PDE4D: variants seen among roughly 807,000 people sequenced by gnomAD.
PDE4D encodes 3',5'-cyclic-AMP phosphodiesterase 4D.
PDE4D carries 24 observed loss-of-function variants against 87.4 expected under a neutral mutation model. That is an observed-to-expected ratio of 0.27 (90% CI 0.20 to 0.39). The LOEUF (loss-of-function observed/expected upper bound fraction) is 0.39. PDE4D is among the 10% of genes least tolerant of loss of function. The pLI, the probability that PDE4D is intolerant of heterozygous loss-of-function variation, is 1.00. For missense variants in PDE4D, 714 were observed against 1,041.0 expected (o/e 0.69, Z 4.32); for synonymous variants, 384 against 383.2 (o/e 1.00, Z -0.02).
At chr5:60,029,945 C>T (rs972052562) in intron 2 of PDE4D, among the ~76,000 whole-genome samples, 11 of 152,136 alleles carry the variant, frequency 7.2e-5, no homozygotes, top group African/African-American at 2.2e-4. Context: ...TTCTATTTTC[C>T]AATTCTGGCT....
intron 1 of PDE4D, among the ~76,000 whole-genome samples, chr5:59,755,645 T>C (rs73109074): frequency 6.6e-6 from 1 of 152,228 alleles, no homozygotes; most frequent in African/African-American, 2.4e-5. Flanking sequence ...CCATAAATCA[T>C]ACGCTGTTCT....
chr5:60,475,018 C>A (rs1748199149), intron 1 of PDE4D, among the ~76,000 whole-genome samples: 1 of 152,026 alleles, frequency 6.6e-6, no homozygotes, highest in African/African-American at 2.4e-5. Context: ...TAAATTTAAG[C>A]CTTTTGAAAA....
At chr5:59,299,626 T>C (rs1769780466) in intron 1 of PDE4D, among the ~76,000 whole-genome samples, 3 of 152,150 alleles carry the variant, frequency 2.0e-5, no homozygotes, top group African/African-American at 7.2e-5. Flanking sequence ...AATGATTAGG[T>C]TTGTTTGTCT....
chr5:59,589,092 C>A (rs929930545), intron 1 of PDE4D, among the ~76,000 whole-genome samples: 5 of 152,044 alleles, frequency 3.3e-5, no homozygotes, highest in African/African-American at 1.2e-4. Flanking sequence ...TGTTACTAGC[C>A]CTGTTCTCCA....
chr5:59,092,275 T>A (rs545318634), intron 5 of PDE4D, among the ~76,000 whole-genome samples: 1 of 152,212 alleles, frequency 6.6e-6, no homozygotes, highest in Non-Finnish European at 1.5e-5. Context: ...ACAGCTTCCA[T>A]CTCTTTGCAG....
At chr5:60,209,845 TTTA>T (rs1742981275) in intron 1 of PDE4D, among the ~76,000 whole-genome samples, 1 of 152,174 alleles carries the variant, frequency 6.6e-6, no homozygotes, top group Non-Finnish European at 1.5e-5. Flanking sequence ...AAGTGTTTGC[TTTA>T]AGTTGGGAAA....
At chr5:59,199,710 C>G (rs538686760) in intron 2 of PDE4D, among the ~76,000 whole-genome samples, 1 of 151,992 alleles carries the variant, frequency 6.6e-6, no homozygotes. Context: ...GACTATTTGA[C>G]AACACCCAAG....
At position 59,775,861 on chromosome 5, in the gene PDE4D, G is replaced by A. The variant is rs1020799445; in HGVS notation, c.455+117307C>T. ...TCATTTGCTATACCCACCCCTGACC[G>A]GCCCCCAAGAAAGGATTTTTTTGGA... On this transcript the variant is annotated intron_variant, in intron 1 of 14. Transcript: ENST00000340635. Among the ~76,000 whole-genome samples, 8 of 151,964 alleles carry A rather than the reference G, an allele frequency of 5.3e-5. No individual in the cohort carries two copies. The South Asian group carries it at 6.2e-4, about 12-fold the overall frequency.
intron 2 of PDE4D, among the ~76,000 whole-genome samples, chr5:60,072,471 T>C (rs770052813): frequency 6.6e-6 from 1 of 152,140 alleles, no homozygotes; most frequent in Non-Finnish European, 1.5e-5. Flanking sequence ...ATTTTCTCTG[T>C]TGGTAGTTTC....
intron 2 of PDE4D, among the ~76,000 whole-genome samples, chr5:60,120,786 T>C (rs984041242): frequency 6.6e-6 from 1 of 152,188 alleles, no homozygotes; most frequent in African/African-American, 2.4e-5. Context: ...TGCCTAGTAA[T>C]GGCTTTTACC....
At chr5:59,007,219 A>G (rs1479668136) in intron 6 of PDE4D, among the ~76,000 whole-genome samples, 1 of 152,174 alleles carries the variant, frequency 6.6e-6, no homozygotes, top group Admixed American at 6.5e-5. Flanking sequence ...ACATTATTGG[A>G]AAATATTTTA....
At chr5:59,106,962 C>T (rs925104133) in intron 5 of PDE4D, among the ~76,000 whole-genome samples, 35 of 152,126 alleles carry the variant, frequency 2.3e-4, no homozygotes, top group Non-Finnish European at 2.6e-4. Context: ...ATCCCACCAC[C>T]TGCCTTTTTA....
chr5:60,208,365 G>A (rs532550060), intron 1 of PDE4D, among the ~76,000 whole-genome samples: 2 of 152,314 alleles, frequency 1.3e-5, no homozygotes, highest in East Asian at 3.9e-4. Context: ...TGTGTCTGAA[G>A]CACAGCTGGG....
intron 1 of PDE4D, among the ~76,000 whole-genome samples, chr5:59,321,338 C>A (rs1214649796): frequency 6.6e-6 from 1 of 152,064 alleles, no homozygotes; most frequent in Non-Finnish European, 1.5e-5. Flanking sequence ...AATCTACTGC[C>A]CTGCCTAGAC....
intron 1 of PDE4D, among the ~76,000 whole-genome samples, chr5:59,821,718 G>T (rs1028498234): frequency 1.3e-5 from 2 of 152,100 alleles, no homozygotes; most frequent in African/African-American, 4.8e-5. Context: ...TAAATGGTTA[G>T]CAATTGGCTC....
intron 3 of PDE4D, among the ~76,000 whole-genome samples, chr5:59,949,519 T>C (rs1758077949): frequency 6.6e-6 from 1 of 151,500 alleles, no homozygotes; most frequent in African/African-American, 2.4e-5. Context: ...TACCAAACTA[T>C]CTGGTTTAAC....
intron 2 of PDE4D, among the ~76,000 whole-genome samples, chr5:60,051,714 A>C (rs1309333799): frequency 6.6e-6 from 1 of 152,188 alleles, no homozygotes; most frequent in Non-Finnish European, 1.5e-5. Flanking sequence ...AGATACAGAC[A>C]TGAAAAACCC....
chr5:58,975,634 A>T lies in PDE4D; in HGVS notation c.2013+23T>A, dbSNP rs1455813299. 4.6e-6 allele frequency: 7 copies of T among 1,517,822 alleles called. No homozygotes were observed. In the East Asian group the frequency reaches 1.7e-4, roughly 37 times the overall value. 94.0% of individuals were successfully genotyped at this position (1,517,822 alleles called of 1,614,324 possible). A position where few individuals can be genotyped will look rare whatever the true frequency, so the allele number is the denominator to read the frequency against. ...AAAGCGGTAGCTCTGTTCTCTCTGA[A>T]AGCTATACACTTCATGCATTACCTG... On this transcript the variant is annotated intron_variant, in intron 14 of 14. Coordinates refer to ENST00000340635, the MANE Select transcript of PDE4D (RefSeq NM_001104631.2). The surrounding 1 kb of genome is among the most constrained non-coding windows in gnomAD (Gnocchi z 4.2).
chr5:59,407,078 T>C (rs891863595), intron 1 of PDE4D, among the ~76,000 whole-genome samples: 2 of 152,190 alleles, frequency 1.3e-5, no homozygotes, highest in Non-Finnish European at 2.9e-5. Flanking sequence ...GTTCCTTGAA[T>C]GTCCCCTCCA....
Sources: gnomAD v4.1 joint callset for allele counts (sites outside exome capture counted in the v4.1 genomes callset) on GRCh38, gnomAD v4.1.1 for gene constraint, Gnocchi (gnomAD v3.1) non-coding constraint, MANE v1.5 for transcripts, NCBI Gene and HGNC (gene_info 2026-07-23, HGNC 2026-07-21) for gene names.